The following RBFOX1 variants were observed in gnomAD, a reference collection of about 807,000 sequenced individuals.
RBFOX1 encodes RNA binding fox-1 homolog 1, also known as RNA binding protein fox-1 homolog 1.
Under a neutral mutation model 57.7 loss-of-function variants are expected in RBFOX1, and 8 were observed. The ratio of observed to expected loss-of-function variants is 0.14; its 90% CI spans 0.08 to 0.25. The LOEUF (loss-of-function observed/expected upper bound fraction) is 0.25, where lower values mean the gene tolerates loss of function less well. Among genes scored for constraint, RBFOX1 ranks in the 10% least tolerant of loss-of-function variants. The probability of loss-of-function intolerance (pLI) is 1.00; values close to 1 mark genes in which losing one functional copy is unlikely to be tolerated. For synonymous variants in RBFOX1, 326 were observed against 222.4 expected, an observed-to-expected ratio of 1.47 and a Z score of -4.15; for missense variants, 611 against 548.5, an observed-to-expected ratio of 1.11 and a Z score of -1.14.
intron 3 of RBFOX1, among the ~76,000 whole-genome samples, chr16:6,761,536 C>G (rs1184840736): frequency 2.3e-5 from 2 of 85,642 alleles, no homozygotes; most frequent in Non-Finnish European, 4.2e-5. Flanking sequence ...GAGACAGAGT[C>G]TTGCTCTGTC....
At position 5,377,525 on chromosome 16, in the gene RBFOX1, G is replaced by A. The variant is rs377076345; in HGVS notation, c.220-89691G>A. 1.3e-4 allele frequency among the ~76,000 whole-genome samples: 19 copies of A among 148,700 alleles called. No individual in the cohort carries two copies. The South Asian group carries it at 2.6e-3, about 20-fold the overall frequency. ...GGCTAGTATGGGTGTGGGAGGGGAG[G>A]AAGAAGGACGGAGGTGAGGGAGGAG... On this transcript the variant is annotated intron_variant, in intron 1 of 2. Coordinates refer to the RBFOX1 transcript ENST00000585867.
At chr16:5,547,356 A>G (rs1487185837) in intron 2 of RBFOX1, among the ~76,000 whole-genome samples, 1 of 152,202 alleles carries the variant, frequency 6.6e-6, no homozygotes, top group Non-Finnish European at 1.5e-5. Flanking sequence ...AACCACCCAA[A>G]TGTCTATTAT....
Position 5,929,614 on chromosome 16 carries a change from A to G in RBFOX1, c.351+62279A>G, listed in dbSNP as rs183107367. Among the ~76,000 whole-genome samples the G allele has an allele frequency of 4.9e-4, 75 of 152,320 alleles. No homozygotes were observed. In the Middle Eastern group the frequency reaches 0.014, roughly 28 times the overall value. On this transcript the variant is annotated intron_variant, in intron 4 of 19. Coordinates refer to the RBFOX1 transcript ENST00000641259. ...ACTATTAATGCTGGTAACAATATGGATCATAATATAATAATAAAGTGAAAG... is the reference window on the plus strand; with the variant it reads ...ACTATTAATGCTGGTAACAATATGGGTCATAATATAATAATAAAGTGAAAG...
chr16:7,003,075 A>G (rs983570169), intron 3 of RBFOX1, among the ~76,000 whole-genome samples: 2 of 152,166 alleles, frequency 1.3e-5, no homozygotes, highest in East Asian at 1.9e-4. Flanking sequence ...AGGTTATACA[A>G]TCAGGCCATG....
At chr16:6,806,387 GA>G (rs1164267100) in intron 3 of RBFOX1, among the ~76,000 whole-genome samples, 1 of 152,066 alleles carries the variant, frequency 6.6e-6, no homozygotes, top group Non-Finnish European at 1.5e-5. Context: ...CTGTAATAAG[GA>G]AAAACCAGAA....
intron 2 of RBFOX1, among the ~76,000 whole-genome samples, chr16:6,507,507 C>CCAA (rs1450395629): frequency 2.1e-5 from 2 of 97,208 alleles, no homozygotes; most frequent in African/African-American, 8.0e-5. Flanking sequence ...CCTATCTGTA[C>CCAA]AAAAAAAAAA....
At position 6,042,731 on chromosome 16, in the gene RBFOX1, G is replaced by T. The variant is rs2095451647; in HGVS notation, c.-127+22739G>T. Among the ~76,000 whole-genome samples, 4 of 152,142 alleles carry T rather than the reference G, an allele frequency of 2.6e-5. No individual in the cohort carries two copies. The South Asian group carries it at 6.2e-4, about 24-fold the overall frequency. On this transcript the variant is annotated intron_variant, in intron 1 of 15. Transcript: ENST00000550418. ...ATAGTTTGGTTTTGTACGTTTTAGG[G>T]AGACAGAAGTTATAGGCAAAGACAA...
intron 4 of RBFOX1, among the ~76,000 whole-genome samples, chr16:7,496,747 G>GGAAAAAA (rs373032267): frequency 7.1e-5 from 9 of 127,498 alleles, no homozygotes; most frequent in African/African-American, 2.6e-4. Context: ...CTACAGAACA[G>GGAAAAAA]AAAAAAAAAA....
intron 3 of RBFOX1, among the ~76,000 whole-genome samples, chr16:6,679,481 C>T (rs865964663): frequency 2.0e-5 from 3 of 152,080 alleles, no homozygotes; most frequent in Admixed American, 1.3e-4. Context: ...TGGGAAGTTT[C>T]CACAAATGAT....
chr16:6,976,260 G>T (rs1278310329), intron 3 of RBFOX1, among the ~76,000 whole-genome samples: 1 of 152,178 alleles, frequency 6.6e-6, no homozygotes, highest in African/African-American at 2.4e-5. Context: ...GGGCAGTTAA[G>T]AAACTCACCT....
intron 4 of RBFOX1, among the ~76,000 whole-genome samples, chr16:7,188,474 G>A (rs2084473202): frequency 6.6e-6 from 1 of 152,158 alleles, no homozygotes. Flanking sequence ...GGTCTAATAT[G>A]GACCCTAACT....
chr16:7,071,830 A>G (rs1232474395), intron 4 of RBFOX1, among the ~76,000 whole-genome samples: 1 of 152,012 alleles, frequency 6.6e-6, no homozygotes, highest in Non-Finnish European at 1.5e-5. Context: ...ACACCTGCCC[A>G]TTAATCTGCT....
intron 4 of RBFOX1, among the ~76,000 whole-genome samples, chr16:7,137,100 G>C (rs1245686231): frequency 6.6e-6 from 1 of 152,212 alleles, no homozygotes; most frequent in South Asian, 2.1e-4. Flanking sequence ...GAGGCCCAGA[G>C]AAGTTAGATA....
chr16:7,377,311 G>C (rs540117693), intron 4 of RBFOX1, among the ~76,000 whole-genome samples: 4 of 152,194 alleles, frequency 2.6e-5, no homozygotes, highest in African/African-American at 7.2e-5. Context: ...TATCACCCAC[G>C]TGAGGTGGTG....
chr16:7,440,547 C>A (rs948658700), intron 4 of RBFOX1, among the ~76,000 whole-genome samples: 1 of 152,162 alleles, frequency 6.6e-6, no homozygotes, highest in African/African-American at 2.4e-5. Flanking sequence ...AATCCTCAGG[C>A]GTATAGGCAA....
intron 2 of RBFOX1, among the ~76,000 whole-genome samples, chr16:6,429,211 G>C (rs999769538): frequency 1.3e-5 from 2 of 152,232 alleles, no homozygotes; most frequent in Admixed American, 6.5e-5. Flanking sequence ...TTTGAAATGT[G>C]TCTGTGGAGA....
At position 7,586,927 on chromosome 16, in the gene RBFOX1, T is replaced by C. The variant is rs183421055; in HGVS notation, c.415-320T>C. 1.1e-3 allele frequency among the ~76,000 whole-genome samples: 174 copies of C among 152,356 alleles called. 2 individuals are homozygous for C. Among genetic ancestry groups the C allele is most frequent in the African/African-American group, 3.8e-3 (160 of 41,582 alleles). On this transcript the variant is annotated intron_variant, in intron 6 of 15. Transcript: ENST00000550418. ...TTAGTGGGATAGACCAGAAGGATCA[T>C]TGTATGTACATACTAGCCACTTTTA...
At chr16:5,607,229 C>T (rs187487573) in intron 3 of RBFOX1, among the ~76,000 whole-genome samples, 24 of 152,268 alleles carry the variant, frequency 1.6e-4, no homozygotes, top group East Asian at 7.7e-4. Flanking sequence ...GACGAGATAA[C>T]GGCATTAGGA....
At chr16:6,487,683 AAAAAAAAAAAAAAAAAAATATAT>A (rs2095519090) in intron 2 of RBFOX1, among the ~76,000 whole-genome samples, 2 of 13,284 alleles carry the variant, frequency 1.5e-4, no homozygotes, top group African/African-American at 3.5e-4. Flanking sequence ...TAAAAAAAAA[AAAAAAAAAAAAAAAAAAATATAT>A]ATATATATAT....
Sources: gnomAD v4.1 joint callset for allele counts (sites outside exome capture counted in the v4.1 genomes callset) on GRCh38, gnomAD v4.1.1 for gene constraint, MANE v1.5 for transcripts, NCBI Gene and HGNC (gene_info 2026-07-23, HGNC 2026-07-21) for gene names.